AMMECR1: variants seen among roughly 807,000 people sequenced by gnomAD.
The protein encoded by AMMECR1 is AMMECR nuclear protein 1.
In AMMECR1, 3 loss-of-function variants were observed where a neutral mutation model predicts 22.5. The observed-to-expected ratio is 0.13, with a 90% CI of 0.06 to 0.35. The LOEUF is 0.35. Among genes scored for constraint, AMMECR1 ranks in the 10% least tolerant of loss-of-function variants. AMMECR1 has a pLI of 1.00. For missense variants in AMMECR1, 235 were observed against 278.7 expected (o/e 0.84, Z 1.12); for synonymous variants, 130 against 116.7 (o/e 1.11, Z -0.74).
At chrX:110,316,823 A>T (rs1239460560) in intron 1 of AMMECR1, among the ~76,000 whole-genome samples, 1 of 110,417 alleles carries the variant, frequency 9.1e-6, no homozygotes, top group African/African-American at 3.3e-5. Flanking sequence ...ACAAAAGCGA[A>T]TGCACGCTTA....
chrX:110,214,668 T>C (rs989817142), intron 3 of AMMECR1, among the ~76,000 whole-genome samples: 8 of 111,936 alleles, frequency 7.1e-5, no homozygotes, highest in Non-Finnish European at 1.5e-4. Context: ...CCAAAACACA[T>C]GCACACACAT....
chrX:110,346,381 A>G (rs1163119111), intron 2 of AMMECR1, among the ~76,000 whole-genome samples: 1 of 112,406 alleles, frequency 8.9e-6, no homozygotes, highest in East Asian at 2.8e-4. Flanking sequence ...AGTGTCAAAT[A>G]TCACTAGTAT....
chrX:110,392,570 A>G (rs2068502306), intron 2 of AMMECR1, among the ~76,000 whole-genome samples: 1 of 112,249 alleles, frequency 8.9e-6, no homozygotes, highest in Non-Finnish European at 1.9e-5. Context: ...GGCGTGAGCC[A>G]CTGTGCCCAG....
chrX:110,319,726 C>T (rs1313245024), upstream of AMMECR1, among the ~76,000 whole-genome samples: 1 of 112,017 alleles, frequency 8.9e-6, no homozygotes, highest in Non-Finnish European at 1.9e-5. Flanking sequence ...TATTAAACCT[C>T]AGAAGTAATT....
At chrX:110,208,199 TC>T (rs1332849715) in intron 3 of AMMECR1, among the ~76,000 whole-genome samples, 1 of 111,974 alleles carries the variant, frequency 8.9e-6, no homozygotes, top group Non-Finnish European at 1.9e-5. Flanking sequence ...TTTTCAAATA[TC>T]CTTTGAGATG....
intron 2 of AMMECR1, among the ~76,000 whole-genome samples, chrX:110,405,304 G>A (rs888132323): frequency 5.4e-5 from 6 of 111,825 alleles, no homozygotes; most frequent in Non-Finnish European, 9.4e-5. Context: ...CATTAAAATT[G>A]GATAACCAAG....
chrX:110,198,654 G>T lies in AMMECR1; in HGVS notation c.888-20C>A. 9.1e-7 allele frequency: 1 copy of T among 1,103,159 alleles called. No homozygotes were observed. The highest frequency in any genetic ancestry group is 1.3e-6 in the Non-Finnish European group (1 of 797,508). The allele number at this position is 1,103,159 out of a possible 1,213,427, so 90.9% of individuals were successfully genotyped here. On this transcript the variant is annotated intron_variant, in intron 5 of 5. Coordinates refer to ENST00000262844, the MANE Select transcript of AMMECR1 (RefSeq NM_015365.3). ...CGATACCTGAAAGAAAGTCAGGGAA[G>T]AGAAAAGTTAACATTGAGAAGTAGG...
At chrX:110,337,675 A>G (rs1465544304) in intron 2 of AMMECR1, among the ~76,000 whole-genome samples, 4 of 112,265 alleles carry the variant, frequency 3.6e-5, no homozygotes, top group Admixed American at 9.4e-5. Context: ...CCAAAAAAAT[A>G]AAAAATAGAA....
intron 3 of AMMECR1, among the ~76,000 whole-genome samples, chrX:110,209,872 GACACACACACACAC>G (rs112143179): frequency 3.1e-4 from 32 of 104,829 alleles, no homozygotes; most frequent in Non-Finnish European, 5.5e-4. Context: ...AAATGCTGGG[GACACACACACACAC>G]ACACACACAG....
intron 2 of AMMECR1, among the ~76,000 whole-genome samples, chrX:110,382,122 T>G (rs775352122): frequency 4.5e-5 from 5 of 112,224 alleles, no homozygotes; most frequent in Non-Finnish European, 9.4e-5. Flanking sequence ...CTTTATTCAC[T>G]CCAGGCCTAT....
intron 2 of AMMECR1, among the ~76,000 whole-genome samples, chrX:110,385,382 T>C (rs1314017145): frequency 9.0e-6 from 1 of 111,657 alleles, no homozygotes; most frequent in Non-Finnish European, 1.9e-5. Flanking sequence ...AATTCACCTA[T>C]TTAAAGTGTA....
chrX:110,240,416 GT>G (rs2067625679), intron 2 of AMMECR1, among the ~76,000 whole-genome samples: 1 of 91,823 alleles, frequency 1.1e-5, no homozygotes, highest in African/African-American at 4.0e-5. Context: ...GGGGGGGAGG[GT>G]TTGCAATCCT....
chrX:110,337,481 A>G (rs986375209), intron 2 of AMMECR1, among the ~76,000 whole-genome samples: 5 of 111,595 alleles, frequency 4.5e-5, no homozygotes, highest in African/African-American at 1.6e-4. Flanking sequence ...CACTTTCTAC[A>G]CTTGATTTGA....
chrX:110,295,437 T>A (rs1465381522), intron 1 of AMMECR1, among the ~76,000 whole-genome samples: 1 of 111,559 alleles, frequency 9.0e-6, no homozygotes, highest in African/African-American at 3.2e-5. Flanking sequence ...TTTTCTCATA[T>A]TAAAAACTGG....
intron 2 of AMMECR1, among the ~76,000 whole-genome samples, chrX:110,331,868 A>AT (rs2068122369): frequency 9.0e-6 from 1 of 110,902 alleles, no homozygotes; most frequent in Non-Finnish European, 1.9e-5. Context: ...TATGCTATGT[A>AT]TTTTCACTTC....
chrX:110,269,391 T>C (rs2067786590), intron 1 of AMMECR1, among the ~76,000 whole-genome samples: 1 of 111,550 alleles, frequency 9.0e-6, no homozygotes, highest in Admixed American at 9.6e-5. Flanking sequence ...CTCTGGCAAT[T>C]TGCTCTTCTT....
At chrX:110,236,317 G>C (rs149574366) in intron 2 of AMMECR1, among the ~76,000 whole-genome samples, 146 of 110,555 alleles carry the variant, frequency 1.3e-3, no homozygotes, top group Non-Finnish European at 2.2e-3. Flanking sequence ...TATTATACGA[G>C]TTACTCAAAG....
intron 2 of AMMECR1, among the ~76,000 whole-genome samples, chrX:110,357,576 A>C (rs747761776): frequency 8.9e-6 from 1 of 112,232 alleles, no homozygotes; most frequent in Non-Finnish European, 1.9e-5. Flanking sequence ...TTTAAATAGT[A>C]TTAGATCTTT....
At chrX:110,231,253 C>T (rs1009624023) in intron 2 of AMMECR1, among the ~76,000 whole-genome samples, 1 of 111,706 alleles carries the variant, frequency 9.0e-6, no homozygotes, top group Admixed American at 9.5e-5. Context: ...TGAAATGAAG[C>T]AAAAAGTGTT....
Sources: gnomAD v4.1 joint callset for allele counts (sites outside exome capture counted in the v4.1 genomes callset) on GRCh38, gnomAD v4.1.1 for gene constraint, MANE v1.5 for transcripts, NCBI Gene and HGNC (gene_info 2026-07-23, HGNC 2026-07-21) for gene names.